SLC19A1: variants seen among roughly 807,000 people sequenced by gnomAD.
SLC19A1 encodes the protein solute carrier family 19 member 1.
A neutral mutation model predicts 35.3 loss-of-function variants in SLC19A1; 37 were observed. The ratio of observed to expected loss-of-function variants is 1.05; its 90% CI spans 0.81 to 1.38. The LOEUF (loss-of-function observed/expected upper bound fraction) is 1.38, where lower values mean the gene tolerates loss of function less well. Ranked by LOEUF, SLC19A1 falls within the 40% of genes most tolerant of loss-of-function variation. The probability of loss-of-function intolerance (pLI) is 0.00; values close to 1 mark genes in which losing one functional copy is unlikely to be tolerated. For synonymous variants in SLC19A1, 460 were observed against 398.5 expected, an observed-to-expected ratio of 1.15 and a Z score of -1.84; for missense variants, 831 against 826.9, an observed-to-expected ratio of 1.00 and a Z score of -0.06.
chr21:45,515,790 C>T lies in SLC19A1; in HGVS notation c.1644G>A (p.Leu548=). The T allele has an allele frequency of 6.2e-7, 1 of 1,613,490 alleles. No individual in the cohort carries two copies. Among genetic ancestry groups the T allele is most frequent in the Non-Finnish European group, 8.5e-7 (1 of 1,179,808 alleles). Residue 548 remains leucine, a synonymous_variant, in exon 6 of 6, where the codon CTG becomes CTA. Coordinates refer to ENST00000311124, the MANE Select transcript of SLC19A1 (RefSeq NM_194255.4). ...SPVTTPSPCT[L]CSAQASGPEA... is the part of the protein sequence containing the mutation. ...CAGGGCCTGAGGCTTGGGCGGAGCACAGAGTGCAGGGGGAAGGGGTTGTCA... is the reference window on the plus strand; with the variant it reads ...CAGGGCCTGAGGCTTGGGCGGAGCATAGAGTGCAGGGGGAAGGGGTTGTCA...
In SLC19A1 at chr21:45,534,386, G is replaced by A. The variant is rs570500089; in HGVS notation, c.190-2238C>T. On this transcript the variant is annotated intron_variant, in intron 2 of 5. Coordinates refer to ENST00000311124, the MANE Select transcript of SLC19A1 (RefSeq NM_194255.4). This position sits in a 1 kb window ranked among gnomAD's most constrained non-coding sequence, Gnocchi z 4.2. ...CCCCGACCCCCAGACACAGGAGGCT[G>A]CGTGGGGGCATGACAGCCCCAGCCC... Among the ~76,000 whole-genome samples, 1 of 152,198 alleles carries A rather than the reference G, an allele frequency of 6.6e-6. No individual in the cohort carries two copies. Among genetic ancestry groups the A allele is most frequent in the Non-Finnish European group, 1.5e-5 (1 of 68,030 alleles).
upstream of SLC19A1, among the ~76,000 whole-genome samples, chr21:45,549,036 A>G (rs546402887): frequency 1.3e-5 from 2 of 152,216 alleles, no homozygotes; most frequent in Non-Finnish European, 2.9e-5. Flanking sequence ...ACTCCTAGGC[A>G]TCTGTTGAAG....
downstream of SLC19A1, chr21:45,512,070 G>A (rs2037643120): frequency 2.6e-6 from 3 of 1,135,922 alleles, no homozygotes; most frequent in South Asian, 1.3e-5. Flanking sequence ...GGGAGCCTCT[G>A]CAGCCCCCTG....
intron 2 of SLC19A1, among the ~76,000 whole-genome samples, chr21:45,535,566 C>T (rs932856144): frequency 5.9e-5 from 9 of 152,184 alleles, no homozygotes; most frequent in African/African-American, 2.2e-4. Context: ...GCAGCCCACC[C>T]GAGCTGGTGA....
At chr21:45,555,160 C>A (rs542294515) in intron 1 of SLC19A1, among the ~76,000 whole-genome samples, 23,028 of 41,548 alleles carry the variant, frequency 0.55, 6,691 homozygotes, top group African/African-American at 0.65. Flanking sequence ...CAGGGGGCGG[C>A]GGGGGCGGCG....
rs980175786 is a variant in SLC19A1, at chr21:45,549,604, G to A, written c.-49-11596C>T. 7.9e-5 allele frequency among the ~76,000 whole-genome samples: 11 copies of A among 139,022 alleles called. No individual in the cohort carries two copies. The East Asian group carries it at 8.4e-4, about 11-fold the overall frequency. 91.2% of individuals were successfully genotyped at this position (139,022 alleles called of 152,430 possible). A position where few individuals can be genotyped will look rare whatever the true frequency, so the allele number is the denominator to read the frequency against. Reference sequence around the variant, plus strand: ...GAGAACCCAGAACAGCCTCAGCCTCGGGAGAAAAGGGCAGTGATGTGGCAG... The same window carrying A: ...GAGAACCCAGAACAGCCTCAGCCTCAGGAGAAAAGGGCAGTGATGTGGCAG... On this transcript the variant is annotated intron_variant, in intron 1 of 5. Transcript: ENST00000650808.
intron 3 of SLC19A1, chr21:45,504,345 G>C (rs547167705): frequency 2.0e-6 from 3 of 1,501,636 alleles, no homozygotes; most frequent in South Asian, 2.4e-5. Flanking sequence ...GCCCTGGCTC[G>C]GGGGGATGGG....
chr21:45,551,322 TTC>T (rs1400532158), intron 1 of SLC19A1, among the ~76,000 whole-genome samples: 8 of 152,216 alleles, frequency 5.3e-5, no homozygotes, highest in Non-Finnish European at 1.5e-5. Flanking sequence ...TCATTATTTT[TTC>T]TTTTTCCTGT....
chr21:45,509,847 C>T (rs562481536), downstream of SLC19A1, among the ~76,000 whole-genome samples: 213 of 152,326 alleles, frequency 1.4e-3, no homozygotes, highest in Middle Eastern at 6.8e-3. Flanking sequence ...CCGCCTACAG[C>T]GGCAGCTGGG....
chr21:45,505,233 C>T (rs2037122638), intron 3 of SLC19A1: 5 of 1,597,820 alleles, frequency 3.1e-6, no homozygotes, highest in Non-Finnish European at 4.3e-6. Flanking sequence ...TCCCGGCCCC[C>T]CAGGCCCCCC....
intron 1 of SLC19A1, among the ~76,000 whole-genome samples, chr21:45,554,793 C>T (rs2078525833): frequency 6.6e-6 from 1 of 151,808 alleles, no homozygotes. Context: ...GACAAGTTGA[C>T]AAGTGAATCT....
chr21:45,561,531 T>C (rs1341830775), intron 1 of SLC19A1, among the ~76,000 whole-genome samples: 4 of 151,496 alleles, frequency 2.6e-5, no homozygotes, highest in East Asian at 2.0e-4. Flanking sequence ...GAGGCTGAGG[T>C]GGGCAGATCA....
At chr21:45,521,909 A>G (rs1461708956) in intron 5 of SLC19A1, among the ~76,000 whole-genome samples, 1 of 152,244 alleles carries the variant, frequency 6.6e-6, no homozygotes, top group Non-Finnish European at 1.5e-5. Flanking sequence ...TAAAAAAGAA[A>G]TTTGAGGAAA....
chr21:45,509,886 A>G (rs888326489), downstream of SLC19A1, among the ~76,000 whole-genome samples: 3 of 152,086 alleles, frequency 2.0e-5, no homozygotes, highest in African/African-American at 7.2e-5. Flanking sequence ...GGCTGCTCTG[A>G]CCTGGCAGCG....
downstream of SLC19A1, chr21:45,512,307 G>T: frequency 1.2e-6 from 2 of 1,612,490 alleles, no homozygotes; most frequent in African/African-American, 2.7e-5. Flanking sequence ...TCGCTGCTGG[G>T]GGGCAGGCTC....
At chr21:45,543,221 G>A (rs982857435), upstream of SLC19A1, among the ~76,000 whole-genome samples, 4 of 152,220 alleles carry the variant, frequency 2.6e-5, no homozygotes, top group African/African-American at 9.6e-5. Flanking sequence ...GTGGGGCTGC[G>A]GCAGACAGCA....
At chr21:45,552,990 A>AAG (rs1217159569) in intron 1 of SLC19A1, among the ~76,000 whole-genome samples, 1 of 152,166 alleles carries the variant, frequency 6.6e-6, no homozygotes, top group Non-Finnish European at 1.5e-5. Context: ...ACTTTTACAC[A>AAG]AGACCTCGCG....
intron 1 of SLC19A1, among the ~76,000 whole-genome samples, chr21:45,557,291 T>G (rs2078572929): frequency 6.6e-6 from 1 of 152,194 alleles, no homozygotes; most frequent in Non-Finnish European, 1.5e-5. Context: ...TCCCTATCAG[T>G]GGAGACAGAC....
At position 45,534,553 on chromosome 21, in the gene SLC19A1, G is replaced by A. The variant is rs761955531; in HGVS notation, c.190-2405C>T. ...CCTCACCCACCTCCGAATGAATGGAGCATGCCTCATTTCCTCTTCCACCAG... is the reference window on the plus strand; with the variant it reads ...CCTCACCCACCTCCGAATGAATGGAACATGCCTCATTTCCTCTTCCACCAG... On this transcript the variant is annotated intron_variant, in intron 2 of 5. Coordinates refer to ENST00000311124, the MANE Select transcript of SLC19A1 (RefSeq NM_194255.4). This position sits in a 1 kb window ranked among gnomAD's most constrained non-coding sequence, Gnocchi z 4.2. The A allele has an allele frequency of 1.0e-4, 157 of 1,535,488 alleles. No individual in the cohort carries two copies. Among genetic ancestry groups the A allele is most frequent in the Non-Finnish European group, 1.3e-4 (145 of 1,146,786 alleles).
Sources: gnomAD v4.1 joint callset for allele counts (sites outside exome capture counted in the v4.1 genomes callset) on GRCh38, gnomAD v4.1.1 for gene constraint, Gnocchi (gnomAD v3.1) non-coding constraint, MANE v1.5 for transcripts, NCBI Gene and HGNC (gene_info 2026-07-23, HGNC 2026-07-21) for gene names.